APBB2: variants seen among roughly 807,000 people sequenced by gnomAD.
APBB2 encodes amyloid beta precursor protein binding family B member 2, also known as Fe65-like 1.
APBB2 carries 38 observed loss-of-function variants against 82.5 expected under a neutral mutation model. That is an observed-to-expected ratio of 0.46 (90% confidence interval 0.36 to 0.60). The LOEUF (loss-of-function observed/expected upper bound fraction) is 0.60, where lower values mean the gene tolerates loss of function less well. APBB2 is among the 20% of genes least tolerant of loss of function. The probability of loss-of-function intolerance (pLI) is 0.00; values close to 1 mark genes in which losing one functional copy is unlikely to be tolerated. For missense variants in APBB2, 772 were observed against 972.3 expected, an observed-to-expected ratio of 0.79 and a Z score of 2.74; for synonymous variants, 341 against 368.2, an observed-to-expected ratio of 0.93 and a Z score of 0.85.
At chr4:41,200,746 T>TG (rs1776498789) in intron 1 of APBB2, among the ~76,000 whole-genome samples, 1 of 152,202 alleles carries the variant, frequency 6.6e-6, no homozygotes, top group South Asian at 2.1e-4. Flanking sequence ...TACAACCAAA[T>TG]ACAGGTAGCA....
At chr4:40,879,949 C>G (rs766201577) in intron 12 of APBB2, 50 of 950,204 alleles carry the variant, frequency 5.3e-5, no homozygotes, top group Non-Finnish European at 6.3e-5. Flanking sequence ...GCCTCAGCCT[C>G]TCAAAGTGCT....
At chr4:40,859,066 T>G (rs1398342554) in intron 12 of APBB2, among the ~76,000 whole-genome samples, 2 of 152,316 alleles carry the variant, frequency 1.3e-5, no homozygotes, top group Admixed American at 6.5e-5. Context: ...TTTGGTTGTC[T>G]GATTCTCTGT....
chr4:40,850,758 A>C (rs1759070246), intron 12 of APBB2, among the ~76,000 whole-genome samples: 1 of 152,158 alleles, frequency 6.6e-6, no homozygotes, highest in Admixed American at 6.5e-5. Context: ...CATGGACAAC[A>C]CAGTGAGACC....
intron 7 of APBB2, among the ~76,000 whole-genome samples, chr4:40,938,528 T>C (rs1309527303): frequency 6.6e-6 from 1 of 152,236 alleles, no homozygotes; most frequent in African/African-American, 2.4e-5. Flanking sequence ...ACGCATTATC[T>C]TTCAGCTGGA....
chr4:41,168,882 G>C (rs1045259288), intron 1 of APBB2, among the ~76,000 whole-genome samples: 1 of 152,122 alleles, frequency 6.6e-6, no homozygotes. Flanking sequence ...AGGAAGGAAA[G>C]GTAAGGAAGA....
intron 10 of APBB2, among the ~76,000 whole-genome samples, chr4:40,929,070 G>A (rs1458075205): frequency 1.3e-5 from 2 of 151,424 alleles, no homozygotes; most frequent in East Asian, 1.9e-4. Flanking sequence ...TTCTATTGAT[G>A]TTAATTTCTT....
rs554550839 is a variant in APBB2 at position 41,058,104 on chromosome 4, G to A, written c.-51+7472C>T. Reference sequence around the variant, plus strand: ...TGCAACAAAAGCAGACACCAGGTAGGCTTCTTTCCAGGGCATCCGATTCCT... The same window carrying A: ...TGCAACAAAAGCAGACACCAGGTAGACTTCTTTCCAGGGCATCCGATTCCT... On this transcript the variant is annotated intron_variant, in intron 4 of 17. Transcript: ENST00000508593. 7.2e-5 allele frequency among the ~76,000 whole-genome samples: 11 copies of A among 152,276 alleles called. No homozygotes were observed. The South Asian group carries it at 2.3e-3, about 32-fold the overall frequency.
At chr4:41,049,196 C>A (rs1485298768) in intron 4 of APBB2, among the ~76,000 whole-genome samples, 2 of 148,650 alleles carry the variant, frequency 1.3e-5, no homozygotes, top group African/African-American at 5.0e-5. Flanking sequence ...CTCTGCCCCG[C>A]CGCCCCGTCT....
chr4:40,824,994 C>T (rs1051844947), intron 15 of APBB2, among the ~76,000 whole-genome samples: 1 of 152,176 alleles, frequency 6.6e-6, no homozygotes, highest in Non-Finnish European at 1.5e-5. Flanking sequence ...ACTGACTTCC[C>T]TCATAGCATG....
At chr4:41,180,376 G>A (rs77238500) in intron 1 of APBB2, among the ~76,000 whole-genome samples, 4,395 of 152,226 alleles carry the variant, frequency 0.029, 209 homozygotes, top group African/African-American at 0.099. Context: ...AGGGGGAGAC[G>A]GGAGGACTGC....
At chr4:40,960,447 G>GTTTT (rs34445427) in intron 6 of APBB2, among the ~76,000 whole-genome samples, 54 of 138,982 alleles carry the variant, frequency 3.9e-4, no homozygotes, top group Admixed American at 1.4e-3. Flanking sequence ...TTTTTTTCGG[G>GTTTT]TTTTTTTTTT....
intron 12 of APBB2, among the ~76,000 whole-genome samples, chr4:40,852,704 GAT>G (rs1759876405): frequency 6.6e-6 from 1 of 151,856 alleles, no homozygotes; most frequent in Non-Finnish European, 1.5e-5. Context: ...GCAGTGGCGC[GAT>G]CTCAGCTCAC....
At chr4:41,187,071 G>GTTT (rs1376795161) in intron 1 of APBB2, among the ~76,000 whole-genome samples, 15 of 152,126 alleles carry the variant, frequency 9.9e-5, no homozygotes, top group African/African-American at 3.6e-4. Context: ...ATTATTTCAA[G>GTTT]TTTTAGCAAA....
chr4:41,108,390 T>G (rs979425032), intron 2 of APBB2, among the ~76,000 whole-genome samples: 46 of 152,114 alleles, frequency 3.0e-4, no homozygotes, highest in African/African-American at 1.1e-3. Flanking sequence ...TCCAATTCTA[T>G]TTCTTTTCTG....
At chr4:40,991,388 GCAT>G (rs1271147991) in intron 6 of APBB2, among the ~76,000 whole-genome samples, 6 of 151,702 alleles carry the variant, frequency 4.0e-5, no homozygotes, top group African/African-American at 1.5e-4. Context: ...AAAATGCCTT[GCAT>G]TTAAAAACCC....
At chr4:40,895,315 C>T (rs1300707720) in intron 10 of APBB2, among the ~76,000 whole-genome samples, 1 of 152,244 alleles carries the variant, frequency 6.6e-6, no homozygotes, top group Non-Finnish European at 1.5e-5. Flanking sequence ...AGGTGCCTTT[C>T]ACAAAGAAAC....
chr4:40,978,805 T>C lies in APBB2; in HGVS notation c.836-33732A>G, dbSNP rs1045450726. ...TTCTCCAAGATTCCATTTCAGTTAG[T>C]AACTAATTCGTATACACATTAGATG... On this transcript the variant is annotated intron_variant, in intron 6 of 17. Coordinates refer to ENST00000508593, the MANE Select transcript of APBB2 (RefSeq NM_004307.2). Among the ~76,000 whole-genome samples, 5 of 152,156 alleles carry C rather than the reference T, an allele frequency of 3.3e-5. No individual in the cohort carries two copies. In the South Asian group the frequency reaches 1.0e-3, roughly 31 times the overall value.
At chr4:41,210,615 T>C (rs1779086607) in intron 1 of APBB2, among the ~76,000 whole-genome samples, 1 of 152,266 alleles carries the variant, frequency 6.6e-6, no homozygotes, top group Non-Finnish European at 1.5e-5. Flanking sequence ...TAATTTCATT[T>C]GTTGGTAGTG....
At chr4:40,956,854 G>A (rs1791758287) in intron 6 of APBB2, among the ~76,000 whole-genome samples, 1 of 152,080 alleles carries the variant, frequency 6.6e-6, no homozygotes, top group South Asian at 2.1e-4. Flanking sequence ...TTTTTATCAA[G>A]CATGTTGGCA....
Sources: gnomAD v4.1 joint callset for allele counts (sites outside exome capture counted in the v4.1 genomes callset) on GRCh38, gnomAD v4.1.1 for gene constraint, MANE v1.5 for transcripts, NCBI Gene and HGNC (gene_info 2026-07-23, HGNC 2026-07-21) for gene names.